The following ME3 variants were observed in gnomAD, a reference collection of about 807,000 sequenced individuals.
The protein encoded by ME3 is NADP-dependent malic enzyme, mitochondrial.
A neutral mutation model predicts 68.9 loss-of-function variants in ME3; 48 were observed. The observed-to-expected ratio is 0.70, with a 90% confidence interval of 0.55 to 0.89. The LOEUF (loss-of-function observed/expected upper bound fraction) is 0.89, where lower values mean the gene tolerates loss of function less well. ME3 is among the 40% of genes least tolerant of loss of function. The pLI, the probability that ME3 is intolerant of heterozygous loss-of-function variation, is 0.00. For synonymous variants in ME3, 320 were observed against 318.8 expected (o/e 1.00, Z -0.04); for missense variants, 675 against 797.4 (o/e 0.85, Z 1.85).
chr11:86,504,319 G>A (rs1256404401), intron 5 of ME3, among the ~76,000 whole-genome samples: 1 of 151,552 alleles, frequency 6.6e-6, no homozygotes, highest in African/African-American at 2.4e-5. Flanking sequence ...CTTAATTGTG[G>A]GTAACCTCAG....
chr11:86,473,828 G>C (rs1389844491), intron 7 of ME3, among the ~76,000 whole-genome samples: 1 of 152,216 alleles, frequency 6.6e-6, no homozygotes, highest in Non-Finnish European at 1.5e-5. Flanking sequence ...TACGGAGCCT[G>C]AGAAGGGCAA....
At chr11:86,508,732 G>A in intron 5 of ME3, 60 bp downstream of exon 5, 5 of 1,468,806 alleles carry the variant, frequency 3.4e-6, no homozygotes, top group Non-Finnish European at 4.8e-6. Flanking sequence ...AAATGACTCT[G>A]GTTTAGGCTG....
intron 5 of ME3, among the ~76,000 whole-genome samples, chr11:86,499,686 G>C (rs1397068528): frequency 6.6e-6 from 1 of 152,156 alleles, no homozygotes; most frequent in African/African-American, 2.4e-5. Context: ...TCTCTGGAGA[G>C]TGCAAGAGAT....
intron 4 of ME3, among the ~76,000 whole-genome samples, chr11:86,537,311 CATAA>C (rs1334238908): frequency 1.3e-5 from 2 of 150,908 alleles, no homozygotes; most frequent in African/African-American, 2.4e-5. Flanking sequence ...CGAAGTGCTA[CATAA>C]ATATAATATT....
chr11:86,653,233 C>T (rs1945593605), intron 2 of ME3, among the ~76,000 whole-genome samples: 1 of 152,176 alleles, frequency 6.6e-6, no homozygotes, highest in Non-Finnish European at 1.5e-5. Flanking sequence ...CTCACCTCTA[C>T]ACCAAGCAGA....
chr11:86,646,997 A>G (rs769479770), intron 2 of ME3, among the ~76,000 whole-genome samples: 11 of 152,214 alleles, frequency 7.2e-5, no homozygotes, highest in Admixed American at 1.3e-4. Context: ...AGACAAGCAA[A>G]TGCTGAGGGA....
chr11:86,511,976 C>A (rs1057457575), intron 4 of ME3, among the ~76,000 whole-genome samples: 1 of 152,060 alleles, frequency 6.6e-6, no homozygotes, highest in African/African-American at 2.4e-5. Flanking sequence ...ATCATTTCAT[C>A]CCCAATCAGC....
rs150745367 is a variant in ME3 at position 86,514,956 on chromosome 11, G to A, written c.468-6089C>T. Among the ~76,000 whole-genome samples the A allele has an allele frequency of 5.8e-3, 886 of 152,288 alleles. 6 individuals are homozygous for A. The highest frequency in any genetic ancestry group is 0.02 in the Middle Eastern group (6 of 294). ...GGCTCATAGTAAGTATTTGGTAAAT[G>A]TTTGTAAATAATTACAAATTAGTGT... On this transcript the variant is annotated intron_variant, in intron 4 of 14. Transcript: ENST00000543262.
At chr11:86,551,153 G>T (rs1369431391) in intron 4 of ME3, among the ~76,000 whole-genome samples, 1 of 152,070 alleles carries the variant, frequency 6.6e-6, no homozygotes, top group African/African-American at 2.4e-5. Flanking sequence ...GAGGGAAGAA[G>T]AGATGAAAAA....
At chr11:86,486,643 A>G (rs554299131) in intron 7 of ME3, among the ~76,000 whole-genome samples, 1 of 152,228 alleles carries the variant, frequency 6.6e-6, no homozygotes, top group Non-Finnish European at 1.5e-5. Context: ...TTGTCTTCAG[A>G]GGCCCACTGA....
chr11:86,521,252 G>A (rs931261026), intron 4 of ME3, among the ~76,000 whole-genome samples: 3 of 151,970 alleles, frequency 2.0e-5, no homozygotes, highest in Admixed American at 6.6e-5. Flanking sequence ...ACAATTAGCC[G>A]GGCGTGATGG....
chr11:86,627,964 C>T (rs1943765037), intron 2 of ME3, among the ~76,000 whole-genome samples: 1 of 152,166 alleles, frequency 6.6e-6, no homozygotes, highest in Non-Finnish European at 1.5e-5. Context: ...TCTATGCTTC[C>T]AGCTAAAGTC....
chr11:86,651,048 G>A (rs1945381031), intron 2 of ME3, among the ~76,000 whole-genome samples: 1 of 152,228 alleles, frequency 6.6e-6, no homozygotes, highest in Non-Finnish European at 1.5e-5. Context: ...GGCTGGGGGA[G>A]GGGCACCCGC....
chr11:86,627,725 G>C (rs544215622), intron 2 of ME3, among the ~76,000 whole-genome samples: 4 of 152,058 alleles, frequency 2.6e-5, no homozygotes, highest in African/African-American at 4.8e-5. Context: ...TATCCTTAAG[G>C]CTCCTCTGCC....
intron 2 of ME3, among the ~76,000 whole-genome samples, chr11:86,577,864 A>C (rs898376602): frequency 3.3e-5 from 5 of 152,232 alleles, no homozygotes; most frequent in African/African-American, 1.2e-4. Context: ...ATAGGAGGAA[A>C]TATCTAGGCT....
intron 5 of ME3, among the ~76,000 whole-genome samples, chr11:86,507,394 G>A (rs1953164416): frequency 2.0e-5 from 3 of 152,120 alleles, no homozygotes; most frequent in African/African-American, 7.2e-5. Flanking sequence ...TAGATGTGTT[G>A]GAGTACCATG....
intron 4 of ME3, among the ~76,000 whole-genome samples, chr11:86,536,032 A>C (rs960645963): frequency 6.6e-6 from 1 of 152,190 alleles, no homozygotes; most frequent in Admixed American, 6.5e-5. Flanking sequence ...CTGGAGGCAA[A>C]TAGAAACTCC....
intron 7 of ME3, among the ~76,000 whole-genome samples, chr11:86,482,174 G>A (rs1951450710): frequency 6.6e-6 from 1 of 152,142 alleles, no homozygotes; most frequent in African/African-American, 2.4e-5. Flanking sequence ...CCAACTTTAT[G>A]TTTCTGCACC....
At chr11:86,637,945 T>C (rs1944442614) in intron 2 of ME3, among the ~76,000 whole-genome samples, 1 of 147,988 alleles carries the variant, frequency 6.8e-6, no homozygotes, top group Non-Finnish European at 1.5e-5. Context: ...TATGAATATA[T>C]ATGTGCAGAC....
Sources: gnomAD v4.1 joint callset for allele counts (sites outside exome capture counted in the v4.1 genomes callset) on GRCh38, gnomAD v4.1.1 for gene constraint, MANE v1.5 for transcripts, NCBI Gene and HGNC (gene_info 2026-07-23, HGNC 2026-07-21) for gene names.